Variants in ANK3 observed in about 807,000 individuals in gnomAD.
ANK3 encodes ankyrin-3.
A neutral mutation model predicts 370.9 loss-of-function variants in ANK3; 57 were observed. The observed-to-expected ratio is 0.15, with a 90% CI of 0.12 to 0.19. The LOEUF is 0.19. ANK3 is among the 10% of genes least tolerant of loss of function. The pLI is 1.00. For synonymous variants in ANK3, 1,929 were observed against 1,946.3 expected (o/e 0.99, Z 0.23); for missense variants, 4,439 against 5,302.1 (o/e 0.84, Z 5.06).
In ANK3 at chr10:60,047,102, C is replaced by T. The variant is rs185291997; in HGVS notation, c.13066-4343G>A. Among the ~76,000 whole-genome samples the T allele has an allele frequency of 4.1e-3, 618 of 152,254 alleles. 5 individuals carry two copies. Among genetic ancestry groups the T allele is most frequent in the African/African-American group, 0.012 (508 of 41,554 alleles). On this transcript the variant is annotated intron_variant, in intron 42 of 43. Coordinates refer to ENST00000280772, the MANE Select transcript of ANK3 (RefSeq NM_020987.5). The stretch of plus-strand genomic sequence containing the variant: ...GATTACAGGCCTGAGCCACCGCGCC[C>T]GGCCTCAATGAGGTTTTTAAAGTTC...
intron 2 of ANK3, among the ~76,000 whole-genome samples, chr10:60,427,892 T>A (rs1373603489): frequency 6.6e-6 from 1 of 152,124 alleles, no homozygotes; most frequent in Non-Finnish European, 1.5e-5. Flanking sequence ...TACTCAAGTA[T>A]CTGAGAAGGA....
rs571140052 is a variant in ANK3 at position 60,607,561 on chromosome 10, A to G, written c.96+7625T>C. ...TTTTAGCATATGCTCTATCTATATCATTTCCAAGTACCTATCAGCATAGTG... is the reference window on the plus strand; with the variant it reads ...TTTTAGCATATGCTCTATCTATATCGTTTCCAAGTACCTATCAGCATAGTG... On this transcript the variant is annotated intron_variant, in intron 2 of 43. Coordinates refer to the ANK3 transcript ENST00000373827. 5.9e-5 allele frequency among the ~76,000 whole-genome samples: 9 copies of G among 152,288 alleles called. No individual in the cohort carries two copies. The East Asian group carries it at 1.7e-3, about 29-fold the overall frequency.
chr10:60,517,455 T>C (rs1416373122), intron 2 of ANK3, among the ~76,000 whole-genome samples: 3 of 152,096 alleles, frequency 2.0e-5, no homozygotes, highest in Non-Finnish European at 2.9e-5. Context: ...ACATGCTCCA[T>C]CTCATCTGAA....
At chr10:60,668,671 C>G (rs1299246258) in intron 1 of ANK3, among the ~76,000 whole-genome samples, 1 of 152,134 alleles carries the variant, frequency 6.6e-6, no homozygotes, top group African/African-American at 2.4e-5. Context: ...CTGTTACCCT[C>G]CAGAAAGCTT....
chr10:60,444,494 C>T (rs1054388871), intron 2 of ANK3, among the ~76,000 whole-genome samples: 1 of 150,518 alleles, frequency 6.6e-6, no homozygotes, highest in Non-Finnish European at 1.5e-5. Context: ...ACAGACTGGA[C>T]AAAAAGTGGC....
At chr10:60,331,259 G>A (rs1175082212) in intron 1 of ANK3, among the ~76,000 whole-genome samples, 5 of 110,070 alleles carry the variant, frequency 4.5e-5, no homozygotes, top group Non-Finnish European at 1.0e-4. Context: ...AGAACTTAAA[G>A]TATAATAAAA....
intron 2 of ANK3, among the ~76,000 whole-genome samples, chr10:60,444,429 C>T (rs938025751): frequency 4.2e-4 from 62 of 148,104 alleles, no homozygotes; most frequent in African/African-American, 1.4e-3. Flanking sequence ...ATATAACATA[C>T]GTGTGTGTGT....
intron 2 of ANK3, among the ~76,000 whole-genome samples, chr10:60,450,075 T>C (rs1313974333): frequency 2.0e-5 from 3 of 152,232 alleles, no homozygotes; most frequent in Non-Finnish European, 4.4e-5. Context: ...GGCAGAAGAA[T>C]TGCTTGAGCC....
intron 1 of ANK3, among the ~76,000 whole-genome samples, chr10:60,642,480 T>C (rs2078648029): frequency 6.6e-6 from 1 of 152,070 alleles, no homozygotes; most frequent in African/African-American, 2.4e-5. Flanking sequence ...ATGTCCTTTG[T>C]AGGGACATGG....
intron 11 of ANK3, among the ~76,000 whole-genome samples, chr10:60,204,367 T>C (rs550901341): frequency 1.3e-4 from 20 of 152,298 alleles, no homozygotes; most frequent in Admixed American, 1.3e-3. Context: ...TTTACTTTTA[T>C]TTTAGAGCCT....
At chr10:60,724,928 G>A (rs2079919763) in intron 1 of ANK3, among the ~76,000 whole-genome samples, 1 of 152,002 alleles carries the variant, frequency 6.6e-6, no homozygotes, top group South Asian at 2.1e-4. Context: ...CCATCCAGAG[G>A]GTTGAGTTAA....
rs763095806 is a variant in ANK3, at chr10:60,071,858, T to C, written c.9023A>G (p.His3008Arg). 7.2e-5 allele frequency: 117 copies of C among 1,613,846 alleles called. No individual in the cohort carries two copies. The highest frequency in any genetic ancestry group is 9.4e-5 in the Non-Finnish European group (111 of 1,179,960). Residue 3008 changes from histidine (H) to arginine (R), a missense_variant, in exon 37 of 44, where the codon CAC becomes CGC. This residue lies in a region of ANK3 where 1,601 missense variants were observed against 1,731.7 expected (regional missense o/e 0.92). Transcript: ENST00000280772. ...TTTTTCATCTTCTATAGAATTAAAG[T>C]GCTGTGTCTCAACTGTCTCTTTACT... ...SMSKETVETQ[H>R]FNSIEDEKVT...
At position 60,389,782 on chromosome 10, in the gene ANK3, C is replaced by T. The variant is rs2062939258; in HGVS notation, c.-244G>A. 2.3e-6 allele frequency: 3 copies of T among 1,328,308 alleles called. No homozygotes were observed. In the African/African-American group the frequency reaches 4.5e-5, roughly 20 times the overall value. 82.3% of individuals were successfully genotyped at this position (1,328,308 alleles called of 1,614,324 possible). ...CTGAACCTTTACAGGAGAGTGCAGC[C>T]ATCGTAATGCATTTACCGTAGTGAA... On this transcript the variant is annotated 5_prime_UTR_variant, in exon 1 of 44. The change abolishes an upstream ATG in the 5' untranslated region. Coordinates refer to ENST00000280772, the MANE Select transcript of ANK3 (RefSeq NM_020987.5).
intron 1 of ANK3, among the ~76,000 whole-genome samples, chr10:60,312,187 A>G (rs991872367): frequency 5.9e-5 from 9 of 152,240 alleles, no homozygotes; most frequent in African/African-American, 2.2e-4. Context: ...TGAGTTCTGG[A>G]AGAATTCTCC....
Position 60,086,664 on chromosome 10 carries a change from G to A in ANK3, c.3748+13C>T, listed in dbSNP as rs1425520992. The A allele has an allele frequency of 6.2e-7, 1 of 1,608,196 alleles. No individual in the cohort carries two copies. Among genetic ancestry groups the A allele is most frequent in the African/African-American group, 1.3e-5 (1 of 74,892 alleles). On this transcript the variant is annotated intron_variant, in intron 30 of 43. Coordinates refer to ENST00000280772, the MANE Select transcript of ANK3 (RefSeq NM_020987.5). Reference sequence around the variant, plus strand: ...GTGAATCAATAGGAAGTACAGCAGTGACTTAACCAAACCTGTAATGCTACA... The same window carrying A: ...GTGAATCAATAGGAAGTACAGCAGTAACTTAACCAAACCTGTAATGCTACA...
chr10:60,439,026 T>C (rs2064226786), intron 2 of ANK3, among the ~76,000 whole-genome samples: 1 of 152,226 alleles, frequency 6.6e-6, no homozygotes, highest in Non-Finnish European at 1.5e-5. Flanking sequence ...TTTAAAATAA[T>C]ATTTTTTTCT....
rs1157901591 is a variant in ANK3, at chr10:60,027,717, A to C, written c.*2129T>G. On this transcript the variant is annotated 3_prime_UTR_variant, in exon 44 of 44. Transcript: ENST00000280772. ...GATGATGATCACAGTTACTACTATCACTACTACCATATGCTAAGCTGGTAA... is the reference window on the plus strand; with the variant it reads ...GATGATGATCACAGTTACTACTATCCCTACTACCATATGCTAAGCTGGTAA... 1 of 152,230 alleles carries C rather than the reference A, an allele frequency of 6.6e-6. No individual in the cohort carries two copies. Among genetic ancestry groups the C allele is most frequent in the African/African-American group, 2.4e-5 (1 of 41,460 alleles). 9.4% of individuals were successfully genotyped at this position (152,230 alleles called of 1,614,324 possible). A position where few individuals can be genotyped will look rare whatever the true frequency, so the allele number is the denominator to read the frequency against.
intron 8 of ANK3, among the ~76,000 whole-genome samples, chr10:60,231,544 A>C (rs1213283324): frequency 3.3e-5 from 5 of 152,200 alleles, no homozygotes; most frequent in Admixed American, 1.3e-4. Context: ...CTGGGTAGTT[A>C]GAACTTGTTT....
intron 1 of ANK3, among the ~76,000 whole-genome samples, chr10:60,322,051 C>G (rs983029025): frequency 1.3e-5 from 2 of 151,996 alleles, no homozygotes; most frequent in African/African-American, 4.8e-5. Context: ...CCTTGAGTAT[C>G]TAAAGTTGTC....
Sources: gnomAD v4.1 joint callset for allele counts (sites outside exome capture counted in the v4.1 genomes callset) on GRCh38, gnomAD v4.1.1 for gene constraint, gnomAD v4.1.1 regional missense constraint, MANE v1.5 for transcripts, NCBI Gene and HGNC (gene_info 2026-07-23, HGNC 2026-07-21) for gene names.